CREB5: variants seen among roughly 807,000 people sequenced by gnomAD.
The protein encoded by CREB5 is cAMP responsive element binding protein 5, also known as cyclic AMP-responsive element-binding protein 5.
Under a neutral mutation model 57.1 loss-of-function variants are expected in CREB5, and 19 were observed. That is an observed-to-expected ratio of 0.33 (90% CI 0.23 to 0.49). CREB5 has a LOEUF of 0.49. CREB5 is among the 20% of genes least tolerant of loss of function. The probability of loss-of-function intolerance (pLI) is 0.99; values close to 1 mark genes in which losing one functional copy is unlikely to be tolerated. For missense variants in CREB5, 579 were observed against 671.6 expected (o/e 0.86, Z 1.52); for synonymous variants, 238 against 238.3 (o/e 1.00, Z 0.01).
chr7:28,411,779 T>C (rs1787815375), upstream of CREB5, among the ~76,000 whole-genome samples: 1 of 152,216 alleles, frequency 6.6e-6, no homozygotes, highest in South Asian at 2.1e-4. Context: ...GCGAAAGCCA[T>C]GCTGTAGGGT....
At chr7:28,504,308 G>T (rs1792387929) in intron 3 of CREB5, among the ~76,000 whole-genome samples, 1 of 152,330 alleles carries the variant, frequency 6.6e-6, no homozygotes. Context: ...TAAAATTCTT[G>T]TAAATCACAC....
chr7:28,360,890 G>T (rs928193116), intron 1 of CREB5, among the ~76,000 whole-genome samples: 1 of 152,114 alleles, frequency 6.6e-6, no homozygotes, highest in Non-Finnish European at 1.5e-5. Context: ...ATTCTCCACT[G>T]GGGGAAGCTT....
chr7:28,759,739 C>T (rs1562621964), intron 7 of CREB5, among the ~76,000 whole-genome samples: 2 of 152,188 alleles, frequency 1.3e-5, no homozygotes, highest in Non-Finnish European at 2.9e-5. Context: ...ACAGGAAGGT[C>T]TCGTGTCATC....
intron 7 of CREB5, among the ~76,000 whole-genome samples, chr7:28,758,004 G>T (rs1033518629): frequency 2.6e-5 from 4 of 152,190 alleles, no homozygotes; most frequent in African/African-American, 9.7e-5. Context: ...TAGTGCTATT[G>T]TAACAGTAGT....
chr7:28,540,489 A>G lies in CREB5; in HGVS notation c.292-29876A>G, dbSNP rs554230251. Among the ~76,000 whole-genome samples, 5 of 152,280 alleles carry G rather than the reference A, an allele frequency of 3.3e-5. No individual in the cohort carries two copies. The South Asian group carries it at 6.2e-4, about 19-fold the overall frequency. On this transcript the variant is annotated intron_variant, in intron 4 of 10. Coordinates refer to ENST00000357727, the MANE Select transcript of CREB5 (RefSeq NM_182898.4). Reference sequence around the variant, plus strand: ...GAGCACAGTAGTCTGAGGCTGCACAAGGGATACGGGAGGAGGCTTCATGAT... The same window carrying G: ...GAGCACAGTAGTCTGAGGCTGCACAGGGGATACGGGAGGAGGCTTCATGAT...
At chr7:28,664,541 G>A (rs1397871898) in intron 5 of CREB5, among the ~76,000 whole-genome samples, 5 of 151,776 alleles carry the variant, frequency 3.3e-5, no homozygotes, top group Admixed American at 6.6e-5. Context: ...TGTGCCTACC[G>A]TTTTTCCATC....
At chr7:28,659,518 A>G (rs528097393) in intron 5 of CREB5, among the ~76,000 whole-genome samples, 10 of 152,344 alleles carry the variant, frequency 6.6e-5, no homozygotes, top group Admixed American at 1.3e-4. Flanking sequence ...AACCAACATT[A>G]TTGTTAATCC....
At chr7:28,585,585 A>G (rs1246210249) in intron 5 of CREB5, among the ~76,000 whole-genome samples, 2 of 152,174 alleles carry the variant, frequency 1.3e-5, no homozygotes, top group East Asian at 3.9e-4. Flanking sequence ...TGATCTGTTA[A>G]CTTTTCCTAA....
At chr7:28,685,725 C>G (rs1800852913) in intron 5 of CREB5, among the ~76,000 whole-genome samples, 2 of 150,928 alleles carry the variant, frequency 1.3e-5, no homozygotes, top group Non-Finnish European at 2.9e-5. Flanking sequence ...CCAGCTGACC[C>G]CTGCCTGCAG....
intron 1 of CREB5, among the ~76,000 whole-genome samples, chr7:28,400,006 C>T (rs567187291): frequency 1.2e-3 from 182 of 152,100 alleles, no homozygotes; most frequent in African/African-American, 4.1e-3. Context: ...TGCAGTTAGC[C>T]GAGATAGTGC....
chr7:28,738,895 C>T (rs1583646053), intron 7 of CREB5, among the ~76,000 whole-genome samples: 1 of 152,290 alleles, frequency 6.6e-6, no homozygotes, highest in East Asian at 1.9e-4. Context: ...TCATCCTTTT[C>T]CTCCCGAAAT....
chr7:28,307,501 C>T lies in CREB5; in HGVS notation c.-25+8060C>T, dbSNP rs115594654. On this transcript the variant is annotated intron_variant, in intron 1 of 9. Coordinates refer to the CREB5 transcript ENST00000396299. ...CCTTGATCTTGGACTTCCCAGCCTCCAGAACTATAAGAAATAAATTTCTGT... is the reference window on the plus strand; with the variant it reads ...CCTTGATCTTGGACTTCCCAGCCTCTAGAACTATAAGAAATAAATTTCTGT... Among the ~76,000 whole-genome samples the T allele has an allele frequency of 6.6e-3, 1,006 of 152,288 alleles. 12 individuals are homozygous for T. The highest frequency in any genetic ancestry group is 0.023 in the African/African-American group (962 of 41,566).
At chr7:28,679,946 G>T (rs933717184) in intron 5 of CREB5, among the ~76,000 whole-genome samples, 1 of 152,128 alleles carries the variant, frequency 6.6e-6, no homozygotes, top group Admixed American at 6.5e-5. Flanking sequence ...TCTCCCCAAA[G>T]AGCCAGGCAG....
At chr7:28,594,151 C>T (rs1184749978) in intron 5 of CREB5, among the ~76,000 whole-genome samples, 4 of 152,224 alleles carry the variant, frequency 2.6e-5, no homozygotes. Flanking sequence ...CAAATGAAAA[C>T]TGGTGTTGAT....
At chr7:28,535,928 T>C (rs149194342) in intron 4 of CREB5, among the ~76,000 whole-genome samples, 1 of 152,016 alleles carries the variant, frequency 6.6e-6, no homozygotes, top group East Asian at 1.9e-4. Flanking sequence ...GGACGGAAAA[T>C]GAAAAAAAGA....
At chr7:28,394,007 G>A (rs1787282545) in intron 1 of CREB5, among the ~76,000 whole-genome samples, 1 of 140,448 alleles carries the variant, frequency 7.1e-6, no homozygotes, top group Non-Finnish European at 1.5e-5. Context: ...CCTGGTCAAG[G>A]CTGCAGTGAG....
intron 5 of CREB5, among the ~76,000 whole-genome samples, chr7:28,663,006 G>A (rs578059023): frequency 3.3e-5 from 5 of 151,742 alleles, no homozygotes; most frequent in East Asian, 4.0e-4. Flanking sequence ...TTAGCCAGGC[G>A]TGGTGATGGG....
intron 7 of CREB5, among the ~76,000 whole-genome samples, chr7:28,736,203 C>G (rs1173583699): frequency 6.6e-6 from 1 of 151,992 alleles, no homozygotes; most frequent in African/African-American, 2.4e-5. Flanking sequence ...GAGTTTTGCT[C>G]TTGTTGCCCA....
intron 2 of CREB5, among the ~76,000 whole-genome samples, chr7:28,491,893 T>C (rs1234186689): frequency 6.6e-6 from 1 of 152,244 alleles, no homozygotes; most frequent in Non-Finnish European, 1.5e-5. Context: ...GCTTGCACTG[T>C]GCTAGGGGTG....
Sources: gnomAD v4.1 joint callset for allele counts (sites outside exome capture counted in the v4.1 genomes callset) on GRCh38, gnomAD v4.1.1 for gene constraint, MANE v1.5 for transcripts, NCBI Gene and HGNC (gene_info 2026-07-23, HGNC 2026-07-21) for gene names.